The following DDX27 variants were observed in gnomAD, a reference collection of about 807,000 sequenced individuals.
The protein encoded by DDX27 is probable ATP-dependent RNA helicase DDX27.
A neutral mutation model predicts 99.3 loss-of-function variants in DDX27; 42 were observed. The ratio of observed to expected loss-of-function variants is 0.42; its 90% CI spans 0.33 to 0.55. DDX27 has a LOEUF of 0.55. Among genes scored for constraint, DDX27 ranks in the 20% least tolerant of loss-of-function variants. The pLI is 0.07. For synonymous variants in DDX27, 329 were observed against 353.8 expected (o/e 0.93, Z 0.79); for missense variants, 798 against 976.8 (o/e 0.82, Z 2.44).
At position 49,221,482 on chromosome 20, in the gene DDX27, G is replaced by A; in HGVS notation, c.124G>A (p.Ala42Thr). 7 of 1,613,718 alleles carry A rather than the reference G, an allele frequency of 4.3e-6. No individual in the cohort carries two copies. The highest frequency in any genetic ancestry group is 5.9e-6 in the Non-Finnish European group (7 of 1,180,000). ...GPIVLGRRQKALGKNRSADFN... is the reference protein window; with the variant it reads ...GPIVLGRRQKTLGKNRSADFN... Reference sequence around the variant, plus strand: ...CATTGTGCTGGGCAGACGACAAAAAGCTTTGGGGAAGAACCGCAGTGCTGA... The same window carrying A: ...CATTGTGCTGGGCAGACGACAAAAAACTTTGGGGAAGAACCGCAGTGCTGA... Residue 42 changes from alanine (A) to threonine (T), a missense_variant, in exon 2 of 21, where the codon GCT becomes ACT. Physicochemically the swap from Ala to Thr is moderately conservative, Grantham distance 58. Coordinates refer to ENST00000618172, the MANE Select transcript of DDX27 (RefSeq NM_017895.8).
chr20:49,241,394 A>T (rs996249558), intron 16 of DDX27, among the ~76,000 whole-genome samples: 1 of 152,180 alleles, frequency 6.6e-6, no homozygotes, highest in African/African-American at 2.4e-5. Flanking sequence ...GAGTATCTTA[A>T]GTGGATTGAG....
chr20:49,221,569 G>C lies in DDX27; in HGVS notation c.211G>C (p.Ala71Pro), dbSNP rs756335871. 5 of 1,609,838 alleles carry C rather than the reference G, an allele frequency of 3.1e-6. No individual in the cohort carries two copies. The highest frequency in any genetic ancestry group is 4.2e-6 in the Non-Finnish European group (5 of 1,177,798). Residue 71 changes from alanine to proline, a missense_variant, in exon 2 of 21, where the codon GCT (alanine) becomes CCT (proline). Transcript: ENST00000618172. ...GACGTACGATGGCAGCTGGGCCCTG[G>C]CTGATGTCATGAGCCAACTCAAGAA... ...EGTYDGSWAL[A>P]DVMSQLKKKR...
intron 1 of DDX27, 131 bp from the exon 2 acceptor site, chr20:49,221,321 G>C: frequency 1.0e-6 from 1 of 989,314 alleles, no homozygotes; most frequent in South Asian, 1.6e-5. Context: ...TTGAACTCCT[G>C]ACCTTGTCTG....
At chr20:49,230,391 A>G (rs2146712831) in intron 9 of DDX27, 42 bp downstream of exon 9, 1 of 1,579,020 alleles carries the variant, frequency 6.3e-7, no homozygotes, top group Non-Finnish European at 8.6e-7. Context: ...GTGGGGTTCC[A>G]AGGCCCAGAA....
At chr20:49,230,399 G>C (rs1225437637) in intron 9 of DDX27, 50 bp downstream of exon 9, 4 of 1,564,822 alleles carry the variant, frequency 2.6e-6, no homozygotes, top group Admixed American at 1.8e-5. Flanking sequence ...CCAAGGCCCA[G>C]AACCTGGATG....
chr20:49,225,236 C>A, intron 6 of DDX27, 37 bp downstream of exon 6: 1 of 1,512,278 alleles, frequency 6.6e-7, no homozygotes, highest in Non-Finnish European at 9.2e-7. Flanking sequence ...TTTGTAGAAG[C>A]ATGGTCTTGC....
Position 49,239,003 on chromosome 20 carries a change from C to T in DDX27, c.1742C>T (p.Ala581Val). The change falls in exon 15 of 21, where the codon GCA (alanine) becomes GTA (valine). Residue 581 changes from alanine (A) to valine (V), a missense_variant. Physicochemically the swap from Ala to Val is moderately conservative, Grantham distance 64. Coordinates refer to ENST00000618172, the MANE Select transcript of DDX27 (RefSeq NM_017895.8). ...GAGAAAATGGAGAAAGATGTGTATG[C>T]AGTTCTGCAGCTAGAGGCGGAGGAA... is the stretch of plus-strand genomic sequence containing the variant. ...KIEKMEKDVY[A>V]VLQLEAEEKE... The T allele has an allele frequency of 6.2e-7, 1 of 1,614,074 alleles. No homozygotes were observed. The highest frequency in any genetic ancestry group is 8.5e-7 in the Non-Finnish European group (1 of 1,180,024).
At position 49,230,172 on chromosome 20, in the gene DDX27, C is replaced by T. The variant is rs767959012; in HGVS notation, c.881-27C>T. The T allele has an allele frequency of 4.4e-6, 7 of 1,593,304 alleles. No individual in the cohort carries two copies. In the South Asian group the frequency reaches 4.5e-5, roughly 10 times the overall value. ...CACCCATGAGCAGCTGACCTGGCCGCCTGGTGGGGCTCTCTTCTCTTTGCA... is the reference window on the plus strand; with the variant it reads ...CACCCATGAGCAGCTGACCTGGCCGTCTGGTGGGGCTCTCTTCTCTTTGCA... On this transcript the variant is annotated intron_variant, in intron 8 of 20. Coordinates refer to ENST00000618172, the MANE Select transcript of DDX27 (RefSeq NM_017895.8).
rs1188538396 is a variant in DDX27, at chr20:49,223,256, T to C, written c.301-12T>C. The C allele has an allele frequency of 6.2e-7, 1 of 1,600,586 alleles. No homozygotes were observed. Among genetic ancestry groups the C allele is most frequent in the East Asian group, 2.2e-5 (1 of 44,832 alleles). On this transcript the variant is annotated splice_polypyrimidine_tract_variant and intron_variant, in intron 3 of 20. Coordinates refer to ENST00000618172, the MANE Select transcript of DDX27 (RefSeq NM_017895.8). ...AAGTTTCTCATCACCCTCACTTTAA[T>C]TTTTTTCCCAGGATAAAGAAGCCAA...
intron 16 of DDX27, among the ~76,000 whole-genome samples, chr20:49,240,055 AG>A (rs780047014): frequency 2.0e-4 from 31 of 152,186 alleles, no homozygotes; most frequent in Non-Finnish European, 4.1e-4. Context: ...ACTTAGGGCT[AG>A]GGGAAGGGGG....
At position 49,233,633 on chromosome 20, in the gene DDX27, T is replaced by A. The variant is rs150849514; in HGVS notation, c.1197T>A (p.Asp399Glu). ...GGATATTTGTGAACAGCAACACAGA[T>A]GTGGCTCCCTTCCTGCGGCAGGAGT... ...PVRIFVNSNT[D>E]VAPFLRQEFI... The change falls in exon 11 of 21, where the codon GAT (aspartate) becomes GAA (glutamate). Residue 399 changes from aspartate to glutamate, a missense_variant. Physicochemically the swap from Asp to Glu is conservative, Grantham distance 45 (BLOSUM62 2). Coordinates refer to ENST00000618172, the MANE Select transcript of DDX27 (RefSeq NM_017895.8). The A allele has an allele frequency of 3.1e-6, 5 of 1,614,104 alleles. No homozygotes were observed. The African/African-American group carries it at 6.7e-5, about 22-fold the overall frequency.
At chr20:49,224,503 C>A (rs1361981456) in intron 4 of DDX27, among the ~76,000 whole-genome samples, 1 of 152,096 alleles carries the variant, frequency 6.6e-6, no homozygotes, top group Admixed American at 6.6e-5. Flanking sequence ...GCTGGGACTA[C>A]AGGCACACGC....
chr20:49,231,714 C>G (rs1292892654), intron 9 of DDX27, among the ~76,000 whole-genome samples: 1 of 152,164 alleles, frequency 6.6e-6, no homozygotes, highest in Non-Finnish European at 1.5e-5. Flanking sequence ...TGACCAACCT[C>G]ACATCCACAG....
intron 8 of DDX27, among the ~76,000 whole-genome samples, chr20:49,229,640 C>G (rs1980028379): frequency 7.0e-6 from 1 of 142,894 alleles, no homozygotes; most frequent in African/African-American, 2.6e-5. Flanking sequence ...TTGAATGTTT[C>G]AGGCATTCTC....
intron 6 of DDX27, among the ~76,000 whole-genome samples, chr20:49,225,624 T>A (rs1237478030): frequency 6.6e-6 from 1 of 151,744 alleles, no homozygotes; most frequent in Non-Finnish European, 1.5e-5. Context: ...CCCTGCTAAT[T>A]TTTTGTATTT....
rs567892518 is a variant in DDX27, at chr20:49,239,679, G to A, written c.1897+341G>A. Among the ~76,000 whole-genome samples, 6 of 148,318 alleles carry A rather than the reference G, an allele frequency of 4.0e-5. No homozygotes were observed. In the East Asian group the frequency reaches 7.9e-4, roughly 20 times the overall value. ...TGCTGTGCAGCCTGGTTCCTAATACGCCATGGACTGGAACCGGTATGCAGC... is the reference window on the plus strand; with the variant it reads ...TGCTGTGCAGCCTGGTTCCTAATACACCATGGACTGGAACCGGTATGCAGC... On this transcript the variant is annotated intron_variant, in intron 16 of 20. Coordinates refer to ENST00000618172, the MANE Select transcript of DDX27 (RefSeq NM_017895.8).
At chr20:49,220,532 C>T (rs1271343353) in intron 1 of DDX27, among the ~76,000 whole-genome samples, 2 of 151,216 alleles carry the variant, frequency 1.3e-5, no homozygotes, top group South Asian at 2.1e-4. Context: ...TAGAGACCCC[C>T]GGGCCTGTCC....
At chr20:49,224,503 C>T (rs1361981456) in intron 4 of DDX27, among the ~76,000 whole-genome samples, 1 of 151,976 alleles carries the variant, frequency 6.6e-6, no homozygotes, top group Non-Finnish European at 1.5e-5. Context: ...GCTGGGACTA[C>T]AGGCACACGC....
chr20:49,230,081 C>T, intron 8 of DDX27, 118 bp from the exon 9 acceptor site: 2 of 1,174,214 alleles, frequency 1.7e-6, no homozygotes, highest in Non-Finnish European at 2.3e-6. Flanking sequence ...CTTTGTCAGT[C>T]TTACTCTCTC....
Sources: gnomAD v4.1 joint callset for allele counts (sites outside exome capture counted in the v4.1 genomes callset) on GRCh38, gnomAD v4.1.1 for gene constraint, MANE v1.5 for transcripts, NCBI Gene and HGNC (gene_info 2026-07-23, HGNC 2026-07-21) for gene names.